DYSF: variants seen among roughly 807,000 people sequenced by gnomAD.
The protein encoded by DYSF is dysferlin, also known as dystrophy-associated fer-1-like 1.
A neutral mutation model predicts 274.9 loss-of-function variants in DYSF; 212 were observed. The ratio of observed to expected loss-of-function variants is 0.77; its 90% CI spans 0.69 to 0.86. DYSF has a LOEUF of 0.86. Among genes scored for constraint, DYSF ranks in the 40% least tolerant of loss-of-function variants. The probability of loss-of-function intolerance (pLI) is 0.00; values close to 1 mark genes in which losing one functional copy is unlikely to be tolerated. For missense variants in DYSF, 2,666 were observed against 2,783.2 expected, an observed-to-expected ratio of 0.96 and a Z score of 0.95; for synonymous variants, 1,091 against 1,078.7, an observed-to-expected ratio of 1.01 and a Z score of -0.22.
intron 23 of DYSF, among the ~76,000 whole-genome samples, 183 bp from the exon 24 acceptor site, chr2:71,563,875 C>G (rs999230831): frequency 6.6e-6 from 1 of 152,238 alleles, no homozygotes; most frequent in African/African-American, 2.4e-5. Flanking sequence ...CACCGCCACT[C>G]AAGCCAGACA....
chr2:71,553,896 A>T lies in DYSF; in HGVS notation c.2074A>T (p.Thr692Ser). The T allele has an allele frequency of 6.2e-7, 1 of 1,614,104 alleles. No individual in the cohort carries two copies. Among genetic ancestry groups the T allele is most frequent in the Non-Finnish European group, 8.5e-7 (1 of 1,180,028 alleles). The change falls in exon 21 of 56, where the codon ACT becomes TCT. Residue 692 changes from threonine (T) to serine (S), a missense_variant. By Grantham distance (58) the Thr-to-Ser change is moderately conservative. Coordinates refer to ENST00000410020, the MANE Select transcript of DYSF (RefSeq NM_001130987.2). ...GGAGGACATCAGCCATAGAATCGAG[A>T]CTCAGAACCAGCTGCTTGGGATTGC... ...YWEDISHRIE[T>S]QNQLLGIADR...
chr2:71,545,321 C>T (rs972522715), intron 17 of DYSF, among the ~76,000 whole-genome samples: 1 of 152,210 alleles, frequency 6.6e-6, no homozygotes, highest in African/African-American at 2.4e-5. Context: ...CCCAGATACC[C>T]TCCCTGAGCT....
intron 30 of DYSF, among the ~76,000 whole-genome samples, chr2:71,575,165 C>A (rs931424071): frequency 6.6e-6 from 1 of 152,174 alleles, no homozygotes; most frequent in Non-Finnish European, 1.5e-5. Context: ...ATCTGTAGGA[C>A]AGCCTGGCTT....
intron 7 of DYSF, 67 bp from the exon 8 acceptor site, chr2:71,515,556 G>T: frequency 6.2e-7 from 1 of 1,610,392 alleles, no homozygotes; most frequent in Non-Finnish European, 8.5e-7. Flanking sequence ...CTGACTCTTG[G>T]GGTGGATGGT....
chr2:71,686,443 C>A lies in DYSF; in HGVS notation c.6322-11C>A, dbSNP rs1215188225. On this transcript the variant is annotated splice_polypyrimidine_tract_variant and intron_variant, in intron 55 of 55. Coordinates refer to ENST00000410020, the MANE Select transcript of DYSF (RefSeq NM_001130987.2). Reference sequence around the variant, plus strand: ...GATCACCATGGGTCCCTGTCTCCTCCCTCCCTCCAGAACTATGCTGCCATG... The same window carrying A: ...GATCACCATGGGTCCCTGTCTCCTCACTCCCTCCAGAACTATGCTGCCATG... 4 of 1,614,086 alleles carry A rather than the reference C, an allele frequency of 2.5e-6. No individual in the cohort carries two copies. Among genetic ancestry groups the A allele is most frequent in the Non-Finnish European group, 3.4e-6 (4 of 1,180,010 alleles).
At position 71,478,043 on chromosome 2, in the gene DYSF, GT is replaced by G. The variant is rs61140655; in HGVS notation, c.92-2825del. Among the ~76,000 whole-genome samples the G allele has an allele frequency of 8.7e-3, 1,127 of 129,156 alleles. 10 individuals are homozygous for G. The highest frequency in any genetic ancestry group is 0.022 in the African/African-American group (786 of 36,142). 84.7% of individuals were successfully genotyped at this position (129,156 alleles called of 152,430 possible). A position where few individuals can be genotyped will look rare whatever the true frequency, so the allele number is the denominator to read the frequency against. ...ACTTTTCCTTTTTTGGGAAGTTATA[GT>G]TTTTTTTTTTTTTTGCTATATATGT... On this transcript the variant is annotated intron_variant, in intron 1 of 55. Coordinates refer to ENST00000410020, the MANE Select transcript of DYSF (RefSeq NM_001130987.2).
chr2:71,477,743 G>A (rs1035015218), intron 1 of DYSF, among the ~76,000 whole-genome samples: 2 of 152,182 alleles, frequency 1.3e-5, no homozygotes, highest in African/African-American at 2.4e-5. Context: ...AGTACAAAAT[G>A]TTCATTGATC....
At chr2:71,567,481 T>G (rs991239330) in intron 24 of DYSF, among the ~76,000 whole-genome samples, 3 of 152,240 alleles carry the variant, frequency 2.0e-5, no homozygotes, top group Admixed American at 2.0e-4. Context: ...AACGAAAACT[T>G]TATCTCCGCA....
chr2:71,496,059 C>G (rs969310649), intron 3 of DYSF, among the ~76,000 whole-genome samples: 6 of 151,916 alleles, frequency 3.9e-5, no homozygotes, highest in African/African-American at 1.4e-4. Context: ...CTTTAGGGCC[C>G]TGCCTTCAAG....
At chr2:71,601,431 G>A (rs745732983) in intron 34 of DYSF, 68 bp from the exon 35 acceptor site, 6 of 1,590,656 alleles carry the variant, frequency 3.8e-6, no homozygotes, top group Non-Finnish European at 5.2e-6. Context: ...TAGTCCATGA[G>A]TGTCATGAGG....
At chr2:71,481,722 C>CCATCCATCCATT (rs1553508732) in intron 2 of DYSF, among the ~76,000 whole-genome samples, 157 bp from the exon 3 acceptor site, 112 of 151,838 alleles carry the variant, frequency 7.4e-4, no homozygotes, top group Non-Finnish European at 1.0e-3. Flanking sequence ...ATCCATCCAT[C>CCATCCATCCATT]CATCCATGCT....
At chr2:71,522,994 G>A (rs1036222520) in intron 12 of DYSF, among the ~76,000 whole-genome samples, 2 of 152,146 alleles carry the variant, frequency 1.3e-5, no homozygotes, top group African/African-American at 4.8e-5. Context: ...GTCTCTTTGT[G>A]AATTACAATA....
intron 41 of DYSF, among the ~76,000 whole-genome samples, chr2:71,638,833 C>G (rs1018697256): frequency 2.0e-5 from 3 of 152,142 alleles, no homozygotes; most frequent in African/African-American, 7.2e-5. Context: ...TTTCATTTCT[C>G]TTGGATATAT....
At chr2:71,571,618 A>C (rs200886314) in intron 29 of DYSF, among the ~76,000 whole-genome samples, 7 of 131,814 alleles carry the variant, frequency 5.3e-5, no homozygotes, top group South Asian at 2.6e-4. Context: ...CCCAGCACAC[A>C]CACAGATCAC....
At chr2:71,665,505 A>G (rs2094982773) in intron 47 of DYSF, among the ~76,000 whole-genome samples, 1 of 152,064 alleles carries the variant, frequency 6.6e-6, no homozygotes, top group African/African-American at 2.4e-5. Flanking sequence ...CCACTGTGAA[A>G]ATTAGAGGTC....
rs2080936768 is a variant in DYSF at position 71,453,823 on chromosome 2, G to A, written c.-176G>A. ...CCAGCCTAGCCCACTGGAGCAGCCG[G>A]GGGTGGCCCGTTCCCCTTTAAGAGC... On this transcript the variant is annotated 5_prime_UTR_variant, in exon 1 of 55. Transcript: ENST00000258104. 6 of 686,198 alleles carry A rather than the reference G, an allele frequency of 8.7e-6. No homozygotes were observed. The Admixed American group carries it at 1.3e-4, about 15-fold the overall frequency. The allele number at this position is 686,198 out of a possible 1,614,324, so 42.5% of individuals were successfully genotyped here. A position where few individuals can be genotyped will look rare whatever the true frequency, so the allele number is the denominator to read the frequency against.
chr2:71,637,312 G>T (rs907366405), intron 41 of DYSF, among the ~76,000 whole-genome samples: 1 of 152,210 alleles, frequency 6.6e-6, no homozygotes, highest in Non-Finnish European at 1.5e-5. Flanking sequence ...TGAGGGCAGA[G>T]GTTGGCCTTG....
chr2:71,493,022 C>T (rs1191351515), intron 3 of DYSF, among the ~76,000 whole-genome samples: 1 of 151,792 alleles, frequency 6.6e-6, no homozygotes, highest in Non-Finnish European at 1.5e-5. Flanking sequence ...GCTGGGACCA[C>T]AGGCACAAGC....
intron 11 of DYSF, among the ~76,000 whole-genome samples, chr2:71,520,449 T>C (rs2087133942): frequency 6.6e-6 from 1 of 152,224 alleles, no homozygotes; most frequent in Non-Finnish European, 1.5e-5. Flanking sequence ...GCCCCATTAC[T>C]GGACACTGGG....
Sources: allele counts gnomAD v4.1 joint callset (sites outside exome capture counted in the v4.1 genomes callset), GRCh38; gene constraint gnomAD v4.1.1; transcripts MANE v1.5; gene names NCBI Gene and HGNC (gene_info 2026-07-23, HGNC 2026-07-21).